The following PRCC variants were observed in gnomAD, a reference collection of about 807,000 sequenced individuals.
The protein encoded by PRCC is proline rich mitotic checkpoint control factor.
Under a neutral mutation model 44.0 loss-of-function variants are expected in PRCC, and 10 were observed. That is an observed-to-expected ratio of 0.23 (90% CI 0.14 to 0.39). PRCC has a LOEUF of 0.39. Among genes scored for constraint, PRCC ranks in the 10% least tolerant of loss-of-function variants. PRCC has a pLI of 1.00. For missense variants in PRCC, 573 were observed against 624.7 expected (o/e 0.92, Z 0.88); for synonymous variants, 278 against 259.5 (o/e 1.07, Z -0.69).
At chr1:156,781,198 G>C (rs1652037201) in intron 1 of PRCC, among the ~76,000 whole-genome samples, 1 of 152,194 alleles carries the variant, frequency 6.6e-6, no homozygotes, top group Admixed American at 6.5e-5. Context: ...AGCTGGCCAA[G>C]CCCTGCCTGG....
intron 3 of PRCC, among the ~76,000 whole-genome samples, chr1:156,789,612 A>G (rs1484420183): frequency 1.3e-5 from 2 of 152,134 alleles, no homozygotes; most frequent in African/African-American, 2.4e-5. Flanking sequence ...TAAAGTAAGA[A>G]TAAAGAGAAT....
In PRCC at chr1:156,800,586, C is replaced by T; in HGVS notation, c.*126C>T. 2.3e-6 allele frequency: 2 copies of T among 879,990 alleles called. No individual in the cohort carries two copies. The highest frequency in any genetic ancestry group is 2.5e-5 in the Admixed American group (1 of 40,326). The allele number at this position is 879,990 out of a possible 1,614,324, so 54.5% of individuals were successfully genotyped here. On this transcript the variant is annotated 3_prime_UTR_variant, in exon 7 of 7. Transcript: ENST00000271526. ...TTCCCCAAGGACCCAGCCCTCGCCT[C>T]TGCGAGAATGAACATATTTGATAGA...
intron 1 of PRCC, among the ~76,000 whole-genome samples, chr1:156,768,552 T>C (rs895312039): frequency 2.0e-4 from 31 of 152,188 alleles, no homozygotes; most frequent in African/African-American, 7.0e-4. Context: ...TCCGGCTTTT[T>C]CCCCTTTCCT....
chr1:156,794,636 C>G (rs1369883673), intron 4 of PRCC, 29 bp from the exon 5 acceptor site: 2 of 1,613,068 alleles, frequency 1.2e-6, no homozygotes, highest in East Asian at 4.5e-5. Flanking sequence ...TGCCCAGATT[C>G]CTGACTCCTG....
At chr1:156,792,250 T>C (rs540083263) in intron 4 of PRCC, among the ~76,000 whole-genome samples, 1 of 151,944 alleles carries the variant, frequency 6.6e-6, no homozygotes, top group South Asian at 2.1e-4. Flanking sequence ...GTGGCCTTTA[T>C]TCTTATGGTC....
chr1:156,767,843 G>A lies in PRCC; in HGVS notation c.72G>A (p.Glu24=), dbSNP rs772835253. 1.2e-6 allele frequency: 2 copies of A among 1,610,260 alleles called. No individual in the cohort carries two copies. The highest frequency in any genetic ancestry group is 1.7e-6 in the Non-Finnish European group (2 of 1,179,022). The change falls in exon 1 of 7, where the codon GAG becomes GAA. Residue 24 remains glutamate (E), a synonymous_variant. Transcript: ENST00000271526. ...PDEAEPEPEE[E]EAVAPTSGPA... is the part of the protein sequence containing the mutation. ...AGGCTGAGCCCGAGCCGGAGGAAGA[G>A]GAGGCGGTGGCTCCTACATCTGGGC...
At chr1:156,792,313 A>G (rs954870120) in intron 4 of PRCC, among the ~76,000 whole-genome samples, 1 of 152,096 alleles carries the variant, frequency 6.6e-6, no homozygotes, top group African/African-American at 2.4e-5. Context: ...GCAGCAGGGT[A>G]GAGAAAGAAA....
chr1:156,797,785 C>G (rs1652709043), intron 6 of PRCC, among the ~76,000 whole-genome samples: 1 of 152,132 alleles, frequency 6.6e-6, no homozygotes, highest in Non-Finnish European at 1.5e-5. Flanking sequence ...ACAAATAATT[C>G]AGAATTACAG....
intron 3 of PRCC, among the ~76,000 whole-genome samples, chr1:156,787,502 T>G (rs201250801): frequency 1.6e-4 from 12 of 76,802 alleles, no homozygotes; most frequent in Non-Finnish European, 2.3e-4. Flanking sequence ...TATATATCTG[T>G]TTTTTTTTCT....
intron 1 of PRCC, among the ~76,000 whole-genome samples, chr1:156,772,705 A>T (rs2102752787): frequency 6.6e-6 from 1 of 152,358 alleles, no homozygotes; most frequent in Non-Finnish European, 1.5e-5. Context: ...TCTGAGACAG[A>T]TTTCACTAAT....
intron 4 of PRCC, among the ~76,000 whole-genome samples, chr1:156,794,396 A>G (rs899637599): frequency 1.3e-5 from 2 of 152,184 alleles, no homozygotes; most frequent in South Asian, 4.1e-4. Context: ...TTTGAATACA[A>G]ATTCATATCA....
intron 5 of PRCC, chr1:156,796,816 A>G: frequency 6.2e-6 from 1 of 160,710 alleles, no homozygotes; most frequent in Non-Finnish European, 1.4e-5. Context: ...GACAGAGATG[A>G]AGAGAGTTTG....
chr1:156,769,939 G>C (rs1006156701), intron 1 of PRCC, among the ~76,000 whole-genome samples: 1 of 151,658 alleles, frequency 6.6e-6, no homozygotes, highest in Non-Finnish European at 1.5e-5. Flanking sequence ...TCACACCTGA[G>C]AGTCTCTCAT....
chr1:156,788,131 G>A (rs1652342506), intron 3 of PRCC, among the ~76,000 whole-genome samples: 1 of 152,170 alleles, frequency 6.6e-6, no homozygotes, highest in Non-Finnish European at 1.5e-5. Flanking sequence ...CACCACACTT[G>A]GCTGTAATAG....
chr1:156,780,054 T>TTTTA (rs1429078874), intron 1 of PRCC, among the ~76,000 whole-genome samples: 6 of 151,864 alleles, frequency 4.0e-5, no homozygotes, highest in African/African-American at 1.5e-4. Flanking sequence ...ACTTTTGTAT[T>TTTTA]TTTATTTATT....
At chr1:156,779,074 C>T (rs1277144584) in intron 1 of PRCC, among the ~76,000 whole-genome samples, 1 of 127,980 alleles carries the variant, frequency 7.8e-6, no homozygotes, top group East Asian at 2.3e-4. Flanking sequence ...GCTGGGATTA[C>T]AGGCATGAGC....
At chr1:156,780,912 A>G (rs1652027233) in intron 1 of PRCC, among the ~76,000 whole-genome samples, 1 of 152,056 alleles carries the variant, frequency 6.6e-6, no homozygotes, top group South Asian at 2.1e-4. Flanking sequence ...TATTTTTAGT[A>G]GAGATAAGGT....
intron 6 of PRCC, 24 bp from the exon 7 acceptor site, chr1:156,800,350 C>T (rs750590204): frequency 7.9e-5 from 127 of 1,611,512 alleles, no homozygotes; most frequent in Non-Finnish European, 9.5e-5. Context: ...TTTGACCCTC[C>T]CCTACCCTTC....
At chr1:156,772,968 C>T (rs1052268673) in intron 1 of PRCC, among the ~76,000 whole-genome samples, 4 of 152,094 alleles carry the variant, frequency 2.6e-5, no homozygotes, top group African/African-American at 7.2e-5. Context: ...TTGTGTTTAT[C>T]GGGGTGTCTA....
Sources: gnomAD v4.1 joint callset for allele counts (sites outside exome capture counted in the v4.1 genomes callset) on GRCh38, gnomAD v4.1.1 for gene constraint, MANE v1.5 for transcripts, NCBI Gene and HGNC (gene_info 2026-07-23, HGNC 2026-07-21) for gene names.